GNAI1: variants seen among roughly 807,000 people sequenced by gnomAD.
GNAI1 encodes the protein G protein subunit alpha i1.
In GNAI1, 11 loss-of-function variants were observed where a neutral mutation model predicts 38.9. The observed-to-expected ratio is 0.28, with a 90% confidence interval of 0.18 to 0.47. GNAI1 has a LOEUF of 0.47. GNAI1 is among the 20% of genes least tolerant of loss of function. The pLI is 0.99. For synonymous variants in GNAI1, 166 were observed against 145.1 expected, an observed-to-expected ratio of 1.14 and a Z score of -1.04; for missense variants, 317 against 436.9, an observed-to-expected ratio of 0.73 and a Z score of 2.45.
intron 1 of GNAI1, among the ~76,000 whole-genome samples, chr7:80,136,831 A>T (rs965932276): frequency 5.3e-5 from 8 of 152,198 alleles, no homozygotes; most frequent in Admixed American, 3.3e-4. Flanking sequence ...AAAATGAATC[A>T]TCTGGTGGTG....
intron 1 of GNAI1, among the ~76,000 whole-genome samples, chr7:80,172,347 G>A (rs1333308754): frequency 6.6e-6 from 1 of 152,212 alleles, no homozygotes; most frequent in Non-Finnish European, 1.5e-5. Flanking sequence ...TTTGGGAGCT[G>A]AAGGTAGTTA....
At chr7:80,135,747 C>T in intron 1 of GNAI1, 1 of 980,624 alleles carries the variant, frequency 1.0e-6, no homozygotes, top group Non-Finnish European at 1.2e-6. Context: ...CAGAGTGCCA[C>T]GTTTGGTGAA....
intron 5 of GNAI1, among the ~76,000 whole-genome samples, chr7:80,205,950 G>A (rs530581548): frequency 1.1e-4 from 16 of 151,878 alleles, no homozygotes; most frequent in Admixed American, 3.9e-4. Flanking sequence ...TGAAATGGTC[G>A]TGATGATAAA....
chr7:80,145,561 T>C (rs143906348), intron 1 of GNAI1, among the ~76,000 whole-genome samples: 58 of 152,346 alleles, frequency 3.8e-4, no homozygotes, highest in East Asian at 2.7e-3. Flanking sequence ...TACATTTTAG[T>C]GGTGAAATTT....
chr7:80,189,201 G>A lies in GNAI1; in HGVS notation c.273G>A (p.Leu91=). 6.2e-7 allele frequency: 1 copy of A among 1,610,772 alleles called. No individual in the cohort carries two copies. The highest frequency in any genetic ancestry group is 8.5e-7 in the Non-Finnish European group (1 of 1,179,104). ...CTATCATTAGGGCTATGGGGAGGTT[G>A]AAGATAGACTTTGGTGACTCAGCCC... is the stretch of plus-strand genomic sequence containing the variant. ...IIAIIRAMGR[L]KIDFGDSARA... Residue 91 remains leucine (L), a synonymous_variant, in exon 3 of 8, where the codon TTG becomes TTA. Coordinates refer to ENST00000649796, the MANE Select transcript of GNAI1 (RefSeq NM_002069.6).
At chr7:80,185,577 A>G (rs150372381) in intron 1 of GNAI1, among the ~76,000 whole-genome samples, 21 of 152,176 alleles carry the variant, frequency 1.4e-4, no homozygotes, top group African/African-American at 5.1e-4. Flanking sequence ...GCTAGCCCCA[A>G]ACTCCTCAGG....
rs1789114202 is a variant in GNAI1, at chr7:80,223,512, CTT to C, written c.*6022_*6023del. ...AGTTTTAGCTTTGATCCTTCCTTCA[CTT>C]TTGAAAATCAAGAGTAAAGTTAAGT... On this transcript the variant is annotated 3_prime_UTR_variant, in exon 8 of 8. Transcript: ENST00000649796. Among the ~76,000 whole-genome samples, 2 of 152,170 alleles carry C rather than the reference CTT, an allele frequency of 1.3e-5. No homozygotes were observed. Among genetic ancestry groups the C allele is most frequent in the South Asian group, 4.1e-4 (2 of 4,828 alleles).
intron 7 of GNAI1, among the ~76,000 whole-genome samples, chr7:80,214,727 A>G (rs893614553): frequency 1.3e-5 from 2 of 152,142 alleles, no homozygotes; most frequent in Admixed American, 6.5e-5. Context: ...TGTAGCCCCT[A>G]AACAACTCAC....
intron 1 of GNAI1, among the ~76,000 whole-genome samples, chr7:80,154,977 A>G (rs1787794084): frequency 6.6e-6 from 1 of 152,172 alleles, no homozygotes; most frequent in Admixed American, 6.5e-5. Context: ...GAGATATATT[A>G]CTAGAGGAAA....
chr7:80,182,007 C>G (rs1206452278), intron 1 of GNAI1, among the ~76,000 whole-genome samples: 5 of 152,186 alleles, frequency 3.3e-5, no homozygotes, highest in Non-Finnish European at 5.9e-5. Flanking sequence ...AAACTTGGTA[C>G]CCTTTGACCC....
In GNAI1 at chr7:80,221,907, TG is replaced by T. The variant is rs2115742042; in HGVS notation, c.*4417del. On this transcript the variant is annotated 3_prime_UTR_variant, in exon 8 of 8. Coordinates refer to ENST00000649796, the MANE Select transcript of GNAI1 (RefSeq NM_002069.6). ...TGACCGCCTCGGCCTCCCAAAGTGC[TG>T]GGATTACAGACGTGAGCCACTGCGC... Among the ~76,000 whole-genome samples, 1 of 152,308 alleles carries T rather than the reference TG, an allele frequency of 6.6e-6. No individual in the cohort carries two copies. Among genetic ancestry groups the T allele is most frequent in the South Asian group, 2.1e-4 (1 of 4,832 alleles).
At chr7:80,205,016 CTGCTAGTTTCTTA>C (rs1437900067) in intron 5 of GNAI1, among the ~76,000 whole-genome samples, 1 of 151,978 alleles carries the variant, frequency 6.6e-6, no homozygotes. Context: ...TTTTTAAAAT[CTGCTAGTTTCTTA>C]TAATTCACAT....
intron 1 of GNAI1, among the ~76,000 whole-genome samples, chr7:80,177,232 G>C (rs956126920): frequency 4.0e-5 from 6 of 151,560 alleles, no homozygotes; most frequent in Non-Finnish European, 8.8e-5. Context: ...GGGTTTCACC[G>C]TGTTAGCCAG....
At chr7:80,168,588 G>A (rs996808144) in intron 1 of GNAI1, among the ~76,000 whole-genome samples, 4 of 151,956 alleles carry the variant, frequency 2.6e-5, no homozygotes, top group South Asian at 2.1e-4. Context: ...GGGTTTCACC[G>A]TGTTAGCCAG....
chr7:80,187,806 A>T (rs1386500580), intron 1 of GNAI1, among the ~76,000 whole-genome samples: 1 of 152,214 alleles, frequency 6.6e-6, no homozygotes, highest in Non-Finnish European at 1.5e-5. Flanking sequence ...CTTTGCTCAG[A>T]TGTTCTCAAT....
chr7:80,194,976 T>C (rs1464003072), intron 3 of GNAI1, among the ~76,000 whole-genome samples: 1 of 152,052 alleles, frequency 6.6e-6, no homozygotes, highest in Non-Finnish European at 1.5e-5. Context: ...ATACGGTTTT[T>C]GTTTTGATTC....
intron 1 of GNAI1, among the ~76,000 whole-genome samples, chr7:80,177,519 G>C (rs1179222744): frequency 6.6e-6 from 1 of 152,180 alleles, no homozygotes; most frequent in Non-Finnish European, 1.5e-5. Context: ...ATCTTGCTCT[G>C]TTACCAGGAT....
At chr7:80,139,157 G>A (rs766802043) in intron 1 of GNAI1, among the ~76,000 whole-genome samples, 1 of 152,008 alleles carries the variant, frequency 6.6e-6, no homozygotes, top group Non-Finnish European at 1.5e-5. Context: ...AGTTACTTTA[G>A]TAAGAAGCCA....
chr7:80,225,260 GACAT>G lies in GNAI1; in HGVS notation c.*7771_*7774del. 6.6e-6 allele frequency among the ~76,000 whole-genome samples: 1 copy of G among 152,216 alleles called. No homozygotes were observed. On this transcript the variant is annotated 3_prime_UTR_variant, in exon 8 of 8. Transcript: ENST00000649796. The stretch of plus-strand genomic sequence containing the variant: ...AATATGTCAGCTATAATAAAAGAGA[GACAT>G]ACACATTTTAAGATCTATACTCTAA...
Sources: allele counts gnomAD v4.1 joint callset (sites outside exome capture counted in the v4.1 genomes callset), GRCh38; gene constraint gnomAD v4.1.1; transcripts MANE v1.5; gene names NCBI Gene and HGNC (gene_info 2026-07-23, HGNC 2026-07-21).